The following TMIGD3 variants were observed in gnomAD, a reference collection of about 807,000 sequenced individuals.
TMIGD3 encodes the protein AD026 protein (AD026).
TMIGD3 carries 21 observed loss-of-function variants against 28.1 expected under a neutral mutation model. That is an observed-to-expected ratio of 0.75 (90% CI 0.53 to 1.08). The LOEUF (loss-of-function observed/expected upper bound fraction) is 1.08, where lower values mean the gene tolerates loss of function less well. Ranked by LOEUF, TMIGD3 falls within the 50% of genes least tolerant of loss-of-function variation. The probability of loss-of-function intolerance (pLI) is 0.00; values close to 1 mark genes in which losing one functional copy is unlikely to be tolerated. For missense variants in TMIGD3, 416 were observed against 435.6 expected (o/e 0.96, Z 0.40); for synonymous variants, 151 against 162.1 (o/e 0.93, Z 0.52).
chr1:111,490,516 A>T, intron 2 of TMIGD3, 140 bp downstream of exon 2: 1 of 626,684 alleles, frequency 1.6e-6, no homozygotes, highest in East Asian at 2.7e-5. Flanking sequence ...ACCTATTTTC[A>T]TCGCCTTTTA....
Position 111,488,991 on chromosome 1 carries a change from C to T in TMIGD3, c.491G>A (p.Ser164Asn). The T allele has an allele frequency of 8.1e-6, 13 of 1,613,664 alleles. No individual in the cohort carries two copies. The highest frequency in any genetic ancestry group is 1.1e-5 in the Non-Finnish European group (13 of 1,179,664). ...GGCAGAAGCCGTGTCCAGCACAAAG[C>T]TTCTCTTGACCTTTTCATCCATGAC... Reference protein sequence around the residue: ...AMVMDEKVKRSFVLDTASAIC... With the variant: ...AMVMDEKVKRNFVLDTASAIC... The change falls in exon 3 of 6, where the codon AGC (serine) becomes AAC (asparagine). Residue 164 changes from serine (S) to asparagine (N), a missense_variant. Coordinates refer to ENST00000369716, the MANE Select transcript of TMIGD3 (RefSeq NM_020683.7).
At chr1:111,491,704 G>A (rs1049551130) in intron 1 of TMIGD3, among the ~76,000 whole-genome samples, 6 of 151,968 alleles carry the variant, frequency 3.9e-5, no homozygotes, top group Admixed American at 2.0e-4. Flanking sequence ...CAAATTACAT[G>A]AATAAAAAAG....
At chr1:111,518,999 C>T (rs945628606) in intron 1 of TMIGD3, among the ~76,000 whole-genome samples, 1 of 152,114 alleles carries the variant, frequency 6.6e-6, no homozygotes, top group African/African-American at 2.4e-5. Flanking sequence ...AGTGCAGTGC[C>T]GTGATCTTGA....
At position 111,500,238 on chromosome 1, in the gene TMIGD3, T is replaced by G. The variant is rs1265772781; in HGVS notation, c.350+2767A>C. On this transcript the variant is annotated intron_variant, in intron 1 of 5. Transcript: ENST00000369716. ...AGGACTTAGCCGTCTTGAACTCCCGTCCATAAAATGCACCTGTCTCTTTGG... is the reference window on the plus strand; with the variant it reads ...AGGACTTAGCCGTCTTGAACTCCCGGCCATAAAATGCACCTGTCTCTTTGG... The G allele has an allele frequency of 1.9e-6, 3 of 1,614,044 alleles. No individual in the cohort carries two copies. The Admixed American group carries it at 5.0e-5, about 27-fold the overall frequency.
chr1:111,512,203 T>A (rs879672368), intron 1 of TMIGD3, among the ~76,000 whole-genome samples: 4 of 152,230 alleles, frequency 2.6e-5, no homozygotes, highest in Non-Finnish European at 4.4e-5. Context: ...GGTAGAATAG[T>A]GGGTGCTAAT....
intron 1 of TMIGD3, among the ~76,000 whole-genome samples, chr1:111,531,137 G>T (rs1192180908): frequency 5.9e-5 from 9 of 152,168 alleles, no homozygotes; most frequent in Non-Finnish European, 1.2e-4. Flanking sequence ...AATTAGCTAG[G>T]TGTGGTGGCA....
intron 1 of TMIGD3, among the ~76,000 whole-genome samples, chr1:111,549,450 A>C (rs1333281576): frequency 6.6e-6 from 1 of 151,748 alleles, no homozygotes; most frequent in African/African-American, 2.4e-5. Flanking sequence ...GGAGTTCAAG[A>C]CCAGCCTGAC....
At chr1:111,490,314 G>T in intron 2 of TMIGD3, 1 of 219,446 alleles carries the variant, frequency 4.6e-6, no homozygotes, top group Non-Finnish European at 9.0e-6. Context: ...GGAGATGCTG[G>T]GGAAAAATAT....
chr1:111,491,516 C>A (rs1654662967), intron 1 of TMIGD3, among the ~76,000 whole-genome samples: 1 of 152,202 alleles, frequency 6.6e-6, no homozygotes, highest in Non-Finnish European at 1.5e-5. Flanking sequence ...CACATCCCAT[C>A]AAGGGTCATA....
chr1:111,549,855 G>A (rs991207663), intron 1 of TMIGD3, among the ~76,000 whole-genome samples: 1 of 152,022 alleles, frequency 6.6e-6, no homozygotes. Context: ...GTGTTGCTAT[G>A]TTGCACAGAC....
At chr1:111,550,100 A>G (rs936043396) in intron 1 of TMIGD3, among the ~76,000 whole-genome samples, 1 of 152,118 alleles carries the variant, frequency 6.6e-6, no homozygotes, top group African/African-American at 2.4e-5. Flanking sequence ...CTAGATTATA[A>G]AATTTGTTGT....
chr1:111,521,332 C>T (rs1251155083), intron 1 of TMIGD3, among the ~76,000 whole-genome samples: 4 of 152,094 alleles, frequency 2.6e-5, no homozygotes, highest in African/African-American at 9.7e-5. Context: ...GGATGCATTT[C>T]ACTAAAGAAA....
chr1:111,541,847 T>A (rs577110097), intron 1 of TMIGD3, among the ~76,000 whole-genome samples: 5 of 151,738 alleles, frequency 3.3e-5, no homozygotes, highest in African/African-American at 1.2e-4. Flanking sequence ...GGAACTGGAG[T>A]GTATCAAGAA....
chr1:111,485,388 G>C (rs1429604426), intron 5 of TMIGD3: 2 of 221,370 alleles, frequency 9.0e-6, no homozygotes, highest in African/African-American at 4.6e-5. Flanking sequence ...TTCTATACCT[G>C]CTTACCCAGC....
upstream of TMIGD3, chr1:111,503,872 T>C: frequency 3.0e-6 from 3 of 993,134 alleles, no homozygotes; most frequent in Non-Finnish European, 3.6e-6. Flanking sequence ...GGTATCAGAG[T>C]TCATTCATTC....
intron 1 of TMIGD3, among the ~76,000 whole-genome samples, chr1:111,508,729 T>C (rs1320991861): frequency 6.6e-6 from 1 of 152,152 alleles, no homozygotes; most frequent in Non-Finnish European, 1.5e-5. Flanking sequence ...CCTCCCACAA[T>C]CAACTTTACT....
intron 1 of TMIGD3, chr1:111,500,217 C>T: frequency 5.0e-6 from 8 of 1,614,146 alleles, no homozygotes; most frequent in Non-Finnish European, 6.8e-6. Flanking sequence ...GAAACAAGGA[C>T]TTAGCCGTCT....
chr1:111,514,920 A>G (rs977491292), intron 1 of TMIGD3, among the ~76,000 whole-genome samples: 4 of 152,054 alleles, frequency 2.6e-5, no homozygotes, highest in African/African-American at 9.7e-5. Flanking sequence ...TCTTCTTTTC[A>G]CAGATAAGAA....
intron 1 of TMIGD3, among the ~76,000 whole-genome samples, chr1:111,528,296 T>G (rs1397478743): frequency 2.0e-5 from 3 of 152,226 alleles, no homozygotes; most frequent in Admixed American, 6.5e-5. Flanking sequence ...GTATTGCCTT[T>G]GCTCACTTGT....
Sources: gnomAD v4.1 joint callset for allele counts (sites outside exome capture counted in the v4.1 genomes callset) on GRCh38, gnomAD v4.1.1 for gene constraint, MANE v1.5 for transcripts, NCBI Gene and HGNC (gene_info 2026-07-23, HGNC 2026-07-21) for gene names.